ZNRF3: variants seen among roughly 807,000 people sequenced by gnomAD.
The protein encoded by ZNRF3 is zinc and ring finger 3, also known as E3 ubiquitin-protein ligase ZNRF3.
A neutral mutation model predicts 72.5 loss-of-function variants in ZNRF3; 23 were observed. The observed-to-expected ratio is 0.32, with a 90% CI of 0.23 to 0.45. The LOEUF (loss-of-function observed/expected upper bound fraction) is 0.45, where lower values mean the gene tolerates loss of function less well. Among genes scored for constraint, ZNRF3 ranks in the 20% least tolerant of loss-of-function variants. The pLI is 1.00. For synonymous variants in ZNRF3, 610 were observed against 545.3 expected, an observed-to-expected ratio of 1.12 and a Z score of -1.65; for missense variants, 1,169 against 1,272.1, an observed-to-expected ratio of 0.92 and a Z score of 1.23.
chr22:29,023,428 C>G (rs2036572766), intron 2 of ZNRF3, among the ~76,000 whole-genome samples: 1 of 152,172 alleles, frequency 6.6e-6, no homozygotes, highest in Non-Finnish European at 1.5e-5. Flanking sequence ...TTCAGATAGA[C>G]CATAGTCAAG....
intron 1 of ZNRF3, among the ~76,000 whole-genome samples, chr22:28,938,863 C>T (rs896775584): frequency 1.3e-5 from 2 of 152,168 alleles, no homozygotes; most frequent in Non-Finnish European, 2.9e-5. Context: ...GTGCTTGGAA[C>T]CATGGCAGAA....
In ZNRF3 at chr22:29,049,472, C is replaced by T; in HGVS notation, c.1291C>T (p.His431Tyr). ...CCACCTGGACCACAGCCTGGCCGCTCACCGCTGCGGCCTGGAGCACCGGGC... is the reference window on the plus strand; with the variant it reads ...CCACCTGGACCACAGCCTGGCCGCTTACCGCTGCGGCCTGGAGCACCGGGC... ...PLHLDHSLAA[H>Y]RCGLEHRAYS... The change falls in exon 8 of 9, where the codon CAC becomes TAC. Residue 431 changes from histidine (H) to tyrosine (Y), a missense_variant. Physicochemically the swap from His to Tyr is moderately conservative, Grantham distance 83. This residue lies in a region of ZNRF3 where 783 missense variants were observed against 731.4 expected (regional missense o/e 1.07). Transcript: ENST00000544604. This position sits in a 1 kb window ranked among gnomAD's most constrained non-coding sequence, Gnocchi z 5.2. The T allele has an allele frequency of 6.2e-7, 1 of 1,605,030 alleles. No individual in the cohort carries two copies. Among genetic ancestry groups the T allele is most frequent in the Non-Finnish European group, 8.5e-7 (1 of 1,179,746 alleles).
At chr22:28,950,369 G>C (rs2035138103) in intron 1 of ZNRF3, among the ~76,000 whole-genome samples, 1 of 152,208 alleles carries the variant, frequency 6.6e-6, no homozygotes, top group Non-Finnish European at 1.5e-5. Context: ...TTGCTGCTCT[G>C]TTGTCTGAGA....
At chr22:28,937,846 C>T (rs1252655038) in intron 1 of ZNRF3, among the ~76,000 whole-genome samples, 2 of 152,184 alleles carry the variant, frequency 1.3e-5, no homozygotes, top group Non-Finnish European at 2.9e-5. Context: ...TTGTGCTGTA[C>T]ATAGCGTTGC....
At position 29,011,427 on chromosome 22, in the gene ZNRF3, G is replaced by A. The variant is rs374028889; in HGVS notation, c.426+24226G>A. ...AGGAAGTGGGGACTGGCGGCTGGCC[G>A]AACTCCAGGATGCAGCCTTGGCTGG... On this transcript the variant is annotated intron_variant, in intron 2 of 8. Coordinates refer to ENST00000544604, the MANE Select transcript of ZNRF3 (RefSeq NM_001206998.2). Among the ~76,000 whole-genome samples the A allele has an allele frequency of 3.5e-4, 53 of 152,340 alleles. No homozygotes were observed. The East Asian group carries it at 7.9e-3, about 23-fold the overall frequency.
intron 2 of ZNRF3, among the ~76,000 whole-genome samples, chr22:29,024,284 G>GTTTTTTTTTTTTTTT (rs59532780): frequency 1.6e-5 from 2 of 127,824 alleles, no homozygotes; most frequent in African/African-American, 2.9e-5. Context: ...GGCATTAACT[G>GTTTTTTTTTTTTTTT]TTTTTTTTTT....
intron 2 of ZNRF3, among the ~76,000 whole-genome samples, chr22:28,999,589 A>G (rs1171360533): frequency 6.6e-6 from 1 of 152,188 alleles, no homozygotes. Flanking sequence ...ACAAGCCCAA[A>G]AGTCCCATCT....
chr22:29,037,317 T>C (rs2123877211), intron 2 of ZNRF3, among the ~76,000 whole-genome samples: 1 of 152,324 alleles, frequency 6.6e-6, no homozygotes, highest in South Asian at 2.1e-4. Flanking sequence ...TGGTGGGCTC[T>C]AGGCTTCACG....
intron 1 of ZNRF3, among the ~76,000 whole-genome samples, chr22:28,913,563 T>C (rs1032678572): frequency 2.0e-5 from 3 of 152,166 alleles, no homozygotes; most frequent in African/African-American, 7.2e-5. Flanking sequence ...CTAGAATGAA[T>C]GGCCTGAACA....
intron 1 of ZNRF3, among the ~76,000 whole-genome samples, chr22:28,975,966 T>C (rs536081797): frequency 6.6e-6 from 1 of 152,212 alleles, no homozygotes; most frequent in Non-Finnish European, 1.5e-5. Flanking sequence ...AGATGGATGA[T>C]GATTCTGTTT....
intron 2 of ZNRF3, among the ~76,000 whole-genome samples, chr22:29,028,820 T>C (rs1407360713): frequency 6.6e-6 from 1 of 152,212 alleles, no homozygotes; most frequent in Non-Finnish European, 1.5e-5. Context: ...TCTTGGAGTC[T>C]CAGTACCACT....
At chr22:28,922,825 A>G (rs991018191) in intron 1 of ZNRF3, among the ~76,000 whole-genome samples, 3 of 152,122 alleles carry the variant, frequency 2.0e-5, no homozygotes, top group African/African-American at 4.8e-5. Context: ...TTGTGCCCCC[A>G]TATAACCTTT....
At chr22:28,928,490 CTTTTTTTTTT>C (rs10710766) in intron 1 of ZNRF3, among the ~76,000 whole-genome samples, 2 of 80,602 alleles carry the variant, frequency 2.5e-5, no homozygotes, top group South Asian at 4.5e-4. Context: ...CCAGAAATGT[CTTTTTTTTTT>C]TTTTTTTTTT....
chr22:28,933,855 C>G (rs984261938), intron 1 of ZNRF3, among the ~76,000 whole-genome samples: 3 of 148,688 alleles, frequency 2.0e-5, no homozygotes, highest in Admixed American at 6.7e-5. Context: ...TTCATTGTAT[C>G]ATGGTGAGTG....
chr22:28,884,167 G>C, intron 1 of ZNRF3, 101 bp downstream of exon 1: 1 of 942,288 alleles, frequency 1.1e-6, no homozygotes, highest in Non-Finnish European at 1.3e-6. Context: ...TGGCGGGCGG[G>C]CGGGAGGGGT....
intron 5 of ZNRF3, among the ~76,000 whole-genome samples, chr22:29,045,747 G>A (rs1442156719): frequency 6.6e-6 from 1 of 152,208 alleles, no homozygotes; most frequent in African/African-American, 2.4e-5. Context: ...AAAATGCTGG[G>A]ATTACAGGCG....
chr22:28,986,888 T>C (rs1011837814), intron 1 of ZNRF3, among the ~76,000 whole-genome samples, 188 bp from the exon 2 acceptor site: 6 of 152,232 alleles, frequency 3.9e-5, no homozygotes, highest in Admixed American at 1.3e-4. Context: ...AATGGCTCTA[T>C]AGTGTTCTCC....
chr22:28,900,619 G>A (rs1009664406), intron 1 of ZNRF3, among the ~76,000 whole-genome samples: 1 of 152,162 alleles, frequency 6.6e-6, no homozygotes, highest in Non-Finnish European at 1.5e-5. Context: ...AACAGCTCAG[G>A]CAGTCTGTTG....
intron 1 of ZNRF3, among the ~76,000 whole-genome samples, chr22:28,896,127 T>C (rs556710531): frequency 2.6e-5 from 4 of 151,224 alleles, no homozygotes; most frequent in African/African-American, 9.7e-5. Context: ...ATTTTTATTT[T>C]TATTTATTTT....
Sources: gnomAD v4.1 joint callset for allele counts (sites outside exome capture counted in the v4.1 genomes callset) on GRCh38, gnomAD v4.1.1 for gene constraint, gnomAD v4.1.1 regional missense constraint, Gnocchi (gnomAD v3.1) non-coding constraint, MANE v1.5 for transcripts, NCBI Gene and HGNC (gene_info 2026-07-23, HGNC 2026-07-21) for gene names.